Variants in PLPP4 observed in about 807,000 individuals in gnomAD.
PLPP4 encodes the protein diacylglycerol pyrophosphate like 2.
PLPP4 carries 20 observed loss-of-function variants against 32.2 expected under a neutral mutation model. The observed-to-expected ratio is 0.62, with a 90% CI of 0.44 to 0.90. The LOEUF (loss-of-function observed/expected upper bound fraction) is 0.90, where lower values mean the gene tolerates loss of function less well. Ranked by LOEUF, PLPP4 falls within the 40% of genes least tolerant of loss-of-function variation. The probability of loss-of-function intolerance (pLI) is 0.00; values close to 1 mark genes in which losing one functional copy is unlikely to be tolerated. For missense variants in PLPP4, 257 were observed against 353.1 expected (o/e 0.73, Z 2.18); for synonymous variants, 127 against 133.0 (o/e 0.95, Z 0.31).
chr10:120,537,390 A>G (rs995119446), intron 5 of PLPP4, among the ~76,000 whole-genome samples: 3 of 152,240 alleles, frequency 2.0e-5, no homozygotes, highest in African/African-American at 7.2e-5. Context: ...TATTTGTAAC[A>G]ACATGGATGA....
intron 3 of PLPP4, among the ~76,000 whole-genome samples, chr10:120,517,842 C>T (rs1845994502): frequency 6.6e-6 from 1 of 152,210 alleles, no homozygotes; most frequent in South Asian, 2.1e-4. Flanking sequence ...CCATGAATTG[C>T]CCTAGGCAGC....
chr10:120,577,880 C>A (rs1197004212), intron 6 of PLPP4, among the ~76,000 whole-genome samples: 1 of 152,196 alleles, frequency 6.6e-6, no homozygotes, highest in Non-Finnish European at 1.5e-5. Context: ...ATGAGGCTAT[C>A]TGCCGCTGTC....
chr10:120,470,506 C>T (rs1029766529), intron 1 of PLPP4, among the ~76,000 whole-genome samples: 1 of 152,144 alleles, frequency 6.6e-6, no homozygotes, highest in African/African-American at 2.4e-5. Context: ...TCGTTTCCCA[C>T]CCAAAACATA....
rs534524404 is a variant in PLPP4 at position 120,510,170 on chromosome 10, T to C, written c.166-3741T>C. Among the ~76,000 whole-genome samples, 6 of 152,336 alleles carry C rather than the reference T, an allele frequency of 3.9e-5. No individual in the cohort carries two copies. In the East Asian group the frequency reaches 1.2e-3, roughly 29 times the overall value. On this transcript the variant is annotated intron_variant, in intron 2 of 6. Coordinates refer to ENST00000398250, the MANE Select transcript of PLPP4 (RefSeq NM_001030059.3). ...GTAAGTTCTCAGTACACGTTAGCCT[T>C]TGTTATTGTAACCTAGGTATGTACA...
chr10:120,527,666 G>A (rs1296692909), intron 5 of PLPP4, among the ~76,000 whole-genome samples: 1 of 152,136 alleles, frequency 6.6e-6, no homozygotes, highest in Non-Finnish European at 1.5e-5. Flanking sequence ...TGCATTCGTT[G>A]TAGAGGAATC....
At chr10:120,511,268 A>C (rs1252646988) in intron 2 of PLPP4, among the ~76,000 whole-genome samples, 2 of 152,098 alleles carry the variant, frequency 1.3e-5, no homozygotes, top group African/African-American at 2.4e-5. Context: ...AGCTCTAATG[A>C]ATTCTTCAGC....
intron 5 of PLPP4, among the ~76,000 whole-genome samples, chr10:120,544,256 C>A (rs1010200695): frequency 1.3e-5 from 2 of 152,198 alleles, no homozygotes; most frequent in African/African-American, 4.8e-5. Flanking sequence ...AACGTCCTTG[C>A]CAATACTTGT....
intron 2 of PLPP4, among the ~76,000 whole-genome samples, chr10:120,508,813 G>T (rs117067712): frequency 3.6e-3 from 542 of 152,318 alleles, no homozygotes; most frequent in Non-Finnish European, 6.3e-3. Context: ...AGATCTAAGG[G>T]TGCAGGTGGG....
intron 1 of PLPP4, among the ~76,000 whole-genome samples, chr10:120,481,864 G>A (rs1440004227): frequency 6.6e-6 from 1 of 152,110 alleles, no homozygotes; most frequent in African/African-American, 2.4e-5. Flanking sequence ...GAATCATGGG[G>A]GCAGGTCTTT....
At chr10:120,527,072 ATGTC>A (rs914003016) in intron 5 of PLPP4, among the ~76,000 whole-genome samples, 2 of 151,808 alleles carry the variant, frequency 1.3e-5, no homozygotes, top group African/African-American at 4.8e-5. Context: ...AACCAGTAGG[ATGTC>A]TGTCTGTCTG....
chr10:120,476,443 A>G (rs755346417), intron 1 of PLPP4, among the ~76,000 whole-genome samples: 2 of 152,188 alleles, frequency 1.3e-5, no homozygotes, highest in Non-Finnish European at 2.9e-5. Context: ...GGCGAAACTG[A>G]TGCTCGGGGA....
chr10:120,485,941 A>C (rs1020759467), intron 1 of PLPP4, among the ~76,000 whole-genome samples: 13 of 152,202 alleles, frequency 8.5e-5, no homozygotes, highest in Admixed American at 4.6e-4. Flanking sequence ...GCCGGTGGGG[A>C]CACCAACTGC....
chr10:120,498,412 G>A (rs1271949375), intron 1 of PLPP4, among the ~76,000 whole-genome samples: 2 of 152,158 alleles, frequency 1.3e-5, no homozygotes. Context: ...TCATTAAATA[G>A]CATTTTTTCC....
chr10:120,510,657 G>A lies in PLPP4; in HGVS notation c.166-3254G>A, dbSNP rs527626586. Among the ~76,000 whole-genome samples, 15 of 152,206 alleles carry A rather than the reference G, an allele frequency of 9.9e-5. No individual in the cohort carries two copies. The South Asian group carries it at 2.5e-3, about 25-fold the overall frequency. ...AAGTGAGGTGGTGGGGTGCTTACTC[G>A]CCTCATTCCTCCTTTACCCAGTTCA... is the stretch of plus-strand genomic sequence containing the variant. On this transcript the variant is annotated intron_variant, in intron 2 of 6. Coordinates refer to ENST00000398250, the MANE Select transcript of PLPP4 (RefSeq NM_001030059.3).
chr10:120,567,194 C>A (rs147422307), intron 5 of PLPP4, among the ~76,000 whole-genome samples: 1 of 152,262 alleles, frequency 6.6e-6, no homozygotes, highest in East Asian at 1.9e-4. Flanking sequence ...TGCTACACTG[C>A]TAGAAATAGA....
At chr10:120,486,400 C>G (rs551284621) in intron 1 of PLPP4, among the ~76,000 whole-genome samples, 41 of 152,138 alleles carry the variant, frequency 2.7e-4, no homozygotes, top group Non-Finnish European at 5.0e-4. Flanking sequence ...AACATGGGCT[C>G]TGGAGTCACT....
At chr10:120,562,532 C>T (rs896780807) in intron 5 of PLPP4, among the ~76,000 whole-genome samples, 13 of 152,164 alleles carry the variant, frequency 8.5e-5, no homozygotes, top group Non-Finnish European at 1.6e-4. Context: ...ATGCTTTAAA[C>T]GTCTGACCAA....
chr10:120,503,648 C>T (rs1845367821), intron 1 of PLPP4, 170 bp from the exon 2 acceptor site: 2 of 1,599,196 alleles, frequency 1.3e-6, no homozygotes, highest in Non-Finnish European at 1.7e-6. Flanking sequence ...TTCTTTCAGT[C>T]CTTCCCAAGC....
rs540205328 is a variant in PLPP4, at chr10:120,546,741, G to A, written c.445+25646G>A. 2.0e-5 allele frequency among the ~76,000 whole-genome samples: 3 copies of A among 152,240 alleles called. No individual in the cohort carries two copies. The South Asian group carries it at 6.2e-4, about 32-fold the overall frequency. ...CACATCCTGCCTACCCATCTGTCAG[G>A]TCTGGATTCATGTTTCCAAACTTCC... On this transcript the variant is annotated intron_variant, in intron 5 of 6. Coordinates refer to ENST00000398250, the MANE Select transcript of PLPP4 (RefSeq NM_001030059.3).
Sources: gnomAD v4.1 joint callset for allele counts (sites outside exome capture counted in the v4.1 genomes callset) on GRCh38, gnomAD v4.1.1 for gene constraint, MANE v1.5 for transcripts, NCBI Gene and HGNC (gene_info 2026-07-23, HGNC 2026-07-21) for gene names.